PLXNB1: variants seen among roughly 807,000 people sequenced by gnomAD.
The protein encoded by PLXNB1 is plexin B1, also known as plexin-B1.
PLXNB1 carries 106 observed loss-of-function variants against 209.4 expected under a neutral mutation model. That is an observed-to-expected ratio of 0.51 (90% confidence interval 0.43 to 0.59). PLXNB1 has a LOEUF of 0.59. Among genes scored for constraint, PLXNB1 ranks in the 20% least tolerant of loss-of-function variants. PLXNB1 has a pLI of 0.00. For missense variants in PLXNB1, 2,357 were observed against 2,853.2 expected, an observed-to-expected ratio of 0.83 and a Z score of 3.96; for synonymous variants, 1,167 against 1,183.2, an observed-to-expected ratio of 0.99 and a Z score of 0.28.
chr3:48,412,143 C>T (rs2037725484), intron 27 of PLXNB1, 95 bp downstream of exon 27: 1 of 1,495,082 alleles, frequency 6.7e-7, no homozygotes, highest in African/African-American at 1.4e-5. Context: ...TCTGCTCTGG[C>T]ACAAGTGTCC....
rs2037160609 is a variant in PLXNB1, at chr3:48,403,933, C to T, written c.*553G>A. On this transcript the variant is annotated 3_prime_UTR_variant, in exon 38 of 38. Transcript: ENST00000296440. Reference sequence around the variant, plus strand: ...CAAGACCCCCCTGCAGCAGATAGCCCTCACCATGGCTACCTATGAGGCAGG... The same window carrying T: ...CAAGACCCCCCTGCAGCAGATAGCCTTCACCATGGCTACCTATGAGGCAGG... 1.3e-5 allele frequency: 2 copies of T among 154,200 alleles called. No homozygotes were observed. The highest frequency in any genetic ancestry group is 3.9e-4 in the East Asian group (2 of 5,184). 9.6% of individuals were successfully genotyped at this position (154,200 alleles called of 1,614,324 possible).
Position 48,406,642 on chromosome 3 carries a change from G to A in PLXNB1, c.6228+181C>T. 2 of 1,419,860 alleles carry A rather than the reference G, an allele frequency of 1.4e-6. No homozygotes were observed. The highest frequency in any genetic ancestry group is 2.6e-5 in the East Asian group (1 of 39,020). 88.0% of individuals were successfully genotyped at this position (1,419,860 alleles called of 1,614,324 possible). On this transcript the variant is annotated intron_variant, in intron 36 of 37. Transcript: ENST00000296440. This position sits in a 1 kb window ranked among gnomAD's most constrained non-coding sequence, Gnocchi z 4.4. ...ACCCCTGCTTGCTCTGTGATGAGATGGTGGGAGCCCTGGTCTTTCAGTGGC... is the reference window on the plus strand; with the variant it reads ...ACCCCTGCTTGCTCTGTGATGAGATAGTGGGAGCCCTGGTCTTTCAGTGGC...
chr3:48,419,976 G>A lies in PLXNB1; in HGVS notation c.2310C>T (p.Thr770=), dbSNP rs769441795. 22 of 1,590,990 alleles carry A rather than the reference G, an allele frequency of 1.4e-5. No individual in the cohort carries two copies. Among genetic ancestry groups the A allele is most frequent in the Admixed American group, 6.8e-5 (4 of 58,650 alleles). The change falls in exon 11 of 38, where the codon ACC becomes ACT. Residue 770 remains threonine, a synonymous_variant. Transcript: ENST00000296440. This position sits in a 1 kb window ranked among gnomAD's most constrained non-coding sequence, Gnocchi z 5.7. ...SPPSPQNGPG[T]AVPAPTDFRP... is the part of the protein sequence containing the mutation. ...TGAAGTCAGTGGGGGCAGGGACAGCGGTTCCAGGTCCATTTTGGGGGCTGG... is the reference window on the plus strand; with the variant it reads ...TGAAGTCAGTGGGGGCAGGGACAGCAGTTCCAGGTCCATTTTGGGGGCTGG...
chr3:48,418,350 G>A lies in PLXNB1; in HGVS notation c.3063C>T (p.Asp1021=), dbSNP rs141619066. 6 of 1,613,598 alleles carry A rather than the reference G, an allele frequency of 3.7e-6. No individual in the cohort carries two copies. The African/African-American group carries it at 8.0e-5, about 22-fold the overall frequency. ...TGCAGTCTCCATGTCCCACGGAACAGTCATACAGTACCACTGGGGGTGGCA... is the reference window on the plus strand; with the variant it reads ...TGCAGTCTCCATGTCCCACGGAACAATCATACAGTACCACTGGGGGTGGCA... ...SAEGLHVVLY[D]CSVGHGDCSR... is the part of the protein sequence containing the mutation. The change falls in exon 15 of 38, where the codon GAC becomes GAT. Residue 1021 remains aspartate, a synonymous_variant. Transcript: ENST00000296440. The surrounding 1 kb of genome is among the most constrained non-coding windows in gnomAD (Gnocchi z 6.6).
intron 8 of PLXNB1, 84 bp from the exon 9 acceptor site, chr3:48,421,040 G>A (rs2038481679): frequency 3.0e-6 from 4 of 1,344,418 alleles, no homozygotes; most frequent in Middle Eastern, 2.0e-4. Flanking sequence ...CCTTGAATGG[G>A]GAAGAGGACC....
In PLXNB1 at chr3:48,422,910, G is replaced by C; in HGVS notation, c.1145C>G (p.Thr382Arg). The stretch of plus-strand genomic sequence containing the variant: ...GACCCGGCTGGCCATGGGGCTGGGC[G>C]TGTGGTCTGAGCCACAGGGATAAGC... Reference protein sequence around the residue: ...LDAYPCGSDHTPSPMASRVPL... With the variant: ...LDAYPCGSDHRPSPMASRVPL... The change falls in exon 4 of 38, where the codon ACG (threonine) becomes AGG (arginine). Residue 382 changes from threonine to arginine, a missense_variant. This residue lies in a region of PLXNB1 where 404 missense variants were observed against 443.6 expected (regional missense o/e 0.91). Transcript: ENST00000296440. 1 of 1,614,052 alleles carries C rather than the reference G, an allele frequency of 6.2e-7. No homozygotes were observed. Among genetic ancestry groups the C allele is most frequent in the Non-Finnish European group, 8.5e-7 (1 of 1,179,950 alleles).
At position 48,418,608 on chromosome 3, in the gene PLXNB1, G is replaced by C. The variant is rs2038265416; in HGVS notation, c.2956-66C>G. The C allele has an allele frequency of 4.4e-6, 6 of 1,368,202 alleles. No individual in the cohort carries two copies. In the East Asian group the frequency reaches 1.5e-4, roughly 34 times the overall value. 84.8% of individuals were successfully genotyped at this position (1,368,202 alleles called of 1,614,324 possible). On this transcript the variant is annotated intron_variant, in intron 13 of 37. Coordinates refer to ENST00000296440, the MANE Select transcript of PLXNB1 (RefSeq NM_001130082.3). This position sits in a 1 kb window ranked among gnomAD's most constrained non-coding sequence, Gnocchi z 6.6. ...AAGTGTCAGGCCTGGGGAGGGGTTA[G>C]TCAGAGAAAGGACTAAAACGACCAG...
Position 48,411,027 on chromosome 3 carries a change from C to G in PLXNB1, c.5257G>C (p.Ala1753Pro), listed in dbSNP as rs1203583684. 6.2e-7 allele frequency: 1 copy of G among 1,613,214 alleles called. No individual in the cohort carries two copies. Among genetic ancestry groups the G allele is most frequent in the Admixed American group, 1.7e-5 (1 of 59,978 alleles). Residue 1753 changes from alanine (A) to proline (P), a missense_variant, in exon 29 of 38, where the codon GCA (alanine) becomes CCA (proline). Transcript: ENST00000296440. This position sits in a 1 kb window ranked among gnomAD's most constrained non-coding sequence, Gnocchi z 4.0. ...GCCCCAGGCCCCACAGCCAATAGTG[C>G]ATTCAAGGTCTGTGCAGGACACACA... Reference protein sequence around the residue: ...DVEYRPLTLNALLAVGPGAGE... With the variant: ...DVEYRPLTLNPLLAVGPGAGE...
chr3:48,418,265 G>T lies in PLXNB1; in HGVS notation c.3148C>A (p.Arg1050Ser). 1 of 1,613,590 alleles carries T rather than the reference G, an allele frequency of 6.2e-7. No individual in the cohort carries two copies. The highest frequency in any genetic ancestry group is 1.3e-5 in the African/African-American group (1 of 75,046). ...GCVWCEGERP[R>S]CVTREACGEA... is the part of the protein sequence containing the mutation. Reference sequence around the variant, plus strand: ...CCACAGGCCTCCCGGGTCACACAACGTGGACGCTCCCCCTCACACCACACA... The same window carrying T: ...CCACAGGCCTCCCGGGTCACACAACTTGGACGCTCCCCCTCACACCACACA... The change falls in exon 15 of 38, where the codon CGT (arginine) becomes AGT (serine). Residue 1050 changes from arginine to serine, a missense_variant. By Grantham distance (110) the Arg-to-Ser change is moderately radical. This residue lies in a region of PLXNB1 where 743 missense variants were observed against 896.2 expected (regional missense o/e 0.83). Coordinates refer to ENST00000296440, the MANE Select transcript of PLXNB1 (RefSeq NM_001130082.3). This position sits in a 1 kb window ranked among gnomAD's most constrained non-coding sequence, Gnocchi z 6.6.
chr3:48,420,356 C>A (rs1289450519), intron 10 of PLXNB1, 99 bp from the exon 11 acceptor site: 7 of 706,424 alleles, frequency 9.9e-6, no homozygotes, highest in Non-Finnish European at 1.6e-5. Flanking sequence ...GAAAGGAGAC[C>A]AAGGAAAAGA....
At position 48,409,035 on chromosome 3, in the gene PLXNB1, T is replaced by G. The variant is rs1490184418; in HGVS notation, c.6087+294A>C. On this transcript the variant is annotated intron_variant, in intron 34 of 37. Coordinates refer to ENST00000296440, the MANE Select transcript of PLXNB1 (RefSeq NM_001130082.3). This position sits in a 1 kb window ranked among gnomAD's most constrained non-coding sequence, Gnocchi z 5.8. ...TCTGTGGCTCCCACTGCCCCAGGAG[T>G]GAGTCCTGACCAACTGGCCCTGGCC... is the stretch of plus-strand genomic sequence containing the variant. Among the ~76,000 whole-genome samples the G allele has an allele frequency of 1.3e-5, 2 of 152,142 alleles. No individual in the cohort carries two copies. Among genetic ancestry groups the G allele is most frequent in the Non-Finnish European group, 2.9e-5 (2 of 68,010 alleles).
At position 48,409,362 on chromosome 3, in the gene PLXNB1, G is replaced by A. The variant is rs771361318; in HGVS notation, c.6054C>T (p.Asp2018=). 1.4e-5 allele frequency: 22 copies of A among 1,614,152 alleles called. No individual in the cohort carries two copies. Among genetic ancestry groups the A allele is most frequent in the Admixed American group, 3.3e-5 (2 of 60,020 alleles). ...GCTTGTGGTCGGCCAGGGTGCAGGC[G>A]TCCATGAAGGTCTGTGCAATGACAA... is the stretch of plus-strand genomic sequence containing the variant. ...VLLVIAQTFM[D]ACTLADHKLG... Residue 2018 remains aspartate, a synonymous_variant, in exon 34 of 38, where the codon GAC becomes GAT. Transcript: ENST00000296440. The surrounding 1 kb of genome is among the most constrained non-coding windows in gnomAD (Gnocchi z 5.8).
rs1560057334 is a variant in PLXNB1, at chr3:48,415,328, C to T, written c.3814G>A (p.Val1272Ile). Residue 1272 changes from valine (V) to isoleucine (I), a missense_variant, in exon 20 of 38, where the codon GTC becomes ATC. Physicochemically the swap from Val to Ile is conservative, Grantham distance 29 (BLOSUM62 3). This residue lies in a region of PLXNB1 where 743 missense variants were observed against 896.2 expected (regional missense o/e 0.83). Transcript: ENST00000296440. The surrounding 1 kb of genome is among the most constrained non-coding windows in gnomAD (Gnocchi z 5.0). ...SFLSGGREIC[V>I]RGQNLDVVQT... Reference sequence around the variant, plus strand: ...ACCACGTCCAGATTCTGGCCACGGACGCATATCTCACGTCCTCCACTGAAA... The same window carrying T: ...ACCACGTCCAGATTCTGGCCACGGATGCATATCTCACGTCCTCCACTGAAA... 6 of 1,613,496 alleles carry T rather than the reference C, an allele frequency of 3.7e-6. No individual in the cohort carries two copies. Among genetic ancestry groups the T allele is most frequent in the Middle Eastern group, 3.3e-4 (2 of 6,062 alleles).
intron 4 of PLXNB1, 97 bp downstream of exon 4, chr3:48,422,668 C>T: frequency 7.2e-7 from 1 of 1,382,488 alleles, no homozygotes; most frequent in Non-Finnish European, 9.9e-7. Context: ...TCTCTCCTGG[C>T]CCAGGGGTCA....
intron 34 of PLXNB1, among the ~76,000 whole-genome samples, chr3:48,408,401 C>A (rs2037444456): frequency 6.6e-6 from 1 of 152,100 alleles, no homozygotes; most frequent in South Asian, 2.1e-4. Flanking sequence ...TAAGCAGAGC[C>A]CCACTCATGG....
Position 48,413,183 on chromosome 3 carries a change from G to C in PLXNB1, c.4536-14C>G. On this transcript the variant is annotated splice_polypyrimidine_tract_variant and intron_variant, in intron 23 of 37. Transcript: ENST00000296440. The surrounding 1 kb of genome is among the most constrained non-coding windows in gnomAD (Gnocchi z 5.4). Reference sequence around the variant, plus strand: ...TTGCTCTTCCTCCTGCTCAGCCCCAGGGTCAGGAGAGGATGGCCAGATGAG... The same window carrying C: ...TTGCTCTTCCTCCTGCTCAGCCCCACGGTCAGGAGAGGATGGCCAGATGAG... 1.2e-6 allele frequency: 2 copies of C among 1,601,050 alleles called. No individual in the cohort carries two copies. Among genetic ancestry groups the C allele is most frequent in the Non-Finnish European group, 1.7e-6 (2 of 1,172,706 alleles).
chr3:48,405,163 C>T lies in PLXNB1; in HGVS notation c.6303+561G>A, dbSNP rs2037237691. On this transcript the variant is annotated intron_variant, in intron 37 of 37. Coordinates refer to ENST00000296440, the MANE Select transcript of PLXNB1 (RefSeq NM_001130082.3). The surrounding 1 kb of genome is among the most constrained non-coding windows in gnomAD (Gnocchi z 5.0). ...CCGAGGAAGGCTGTGGGCCATGAGA[C>T]AGGTTCCTCATCTCTGAGCAGCAAT... Among the ~76,000 whole-genome samples the T allele has an allele frequency of 6.6e-6, 1 of 152,204 alleles. No homozygotes were observed.
Position 48,423,576 on chromosome 3 carries a change from G to A in PLXNB1, c.1036C>T (p.Arg346Cys), listed in dbSNP as rs749656777. ...TRDACYTREG[R>C]AEDGTEVAYI... ...GCCACCTCGGTCCCATCCTCAGCAC[G>A]ACCCTCCCGGGTGTAGCAGGCATCT... The change falls in exon 3 of 38, where the codon CGT (arginine) becomes TGT (cysteine). Residue 346 changes from arginine to cysteine, a missense_variant. By Grantham distance (180) the Arg-to-Cys change is radical (BLOSUM62 -3). Around this residue, in one of 7 missense-constraint regions of PLXNB1, gnomAD observed 404 missense variants for 443.6 expected, o/e 0.91. Coordinates refer to ENST00000296440, the MANE Select transcript of PLXNB1 (RefSeq NM_001130082.3). The A allele has an allele frequency of 4.3e-6, 7 of 1,614,150 alleles. No individual in the cohort carries two copies. Among genetic ancestry groups the A allele is most frequent in the East Asian group, 2.2e-5 (1 of 44,880 alleles).
At position 48,424,170 on chromosome 3, in the gene PLXNB1, G is replaced by T; in HGVS notation, c.442C>A (p.Pro148Thr). Residue 148 changes from proline (P) to threonine (T), a missense_variant, in exon 3 of 38, where the codon CCT becomes ACT. Pro to Thr is a conservative substitution (Grantham distance 38). Transcript: ENST00000296440. ...GDTQYVAAND[P>T]AVSTVGLVAQ... ...ACCAGCCCCACCGTGCTGACCGCAGGATCATTGGCAGCCACATATTGTGTG... is the reference window on the plus strand; with the variant it reads ...ACCAGCCCCACCGTGCTGACCGCAGTATCATTGGCAGCCACATATTGTGTG... 1 of 1,582,648 alleles carries T rather than the reference G, an allele frequency of 6.3e-7. No homozygotes were observed. The highest frequency in any genetic ancestry group is 8.6e-7 in the Non-Finnish European group (1 of 1,163,538).
Sources: allele counts gnomAD v4.1 joint callset (sites outside exome capture counted in the v4.1 genomes callset), GRCh38; gene constraint gnomAD v4.1.1; regional missense constraint gnomAD v4.1.1; non-coding constraint Gnocchi (gnomAD v3.1); transcripts MANE v1.5; gene names NCBI Gene and HGNC (gene_info 2026-07-23, HGNC 2026-07-21).